The following CLEC16A variants were observed in gnomAD, a reference collection of about 807,000 sequenced individuals.
CLEC16A encodes protein CLEC16A.
CLEC16A carries 51 observed loss-of-function variants against 109.5 expected under a neutral mutation model. That is an observed-to-expected ratio of 0.47 (90% CI 0.37 to 0.59). The LOEUF (loss-of-function observed/expected upper bound fraction) is 0.59, where lower values mean the gene tolerates loss of function less well. Ranked by LOEUF, CLEC16A falls within the 20% of genes least tolerant of loss-of-function variation. The pLI, the probability that CLEC16A is intolerant of heterozygous loss-of-function variation, is 0.00. For synonymous variants in CLEC16A, 673 were observed against 564.2 expected (o/e 1.19, Z -2.73); for missense variants, 1,339 against 1,394.0 (o/e 0.96, Z 0.63).
At position 10,944,811 on chromosome 16, in the gene CLEC16A, G is replaced by A. The variant is rs1323403793; in HGVS notation, c.80+14G>A. 2 of 1,596,656 alleles carry A rather than the reference G, an allele frequency of 1.3e-6. No individual in the cohort carries two copies. Among genetic ancestry groups the A allele is most frequent in the Non-Finnish European group, 1.7e-6 (2 of 1,170,898 alleles). Reference sequence around the variant, plus strand: ...GGACCACCTCAAGTGAGTGTGGGGGGCGTAGCGGGAGGCCTCGGGGCTGGA... The same window carrying A: ...GGACCACCTCAAGTGAGTGTGGGGGACGTAGCGGGAGGCCTCGGGGCTGGA... On this transcript the variant is annotated intron_variant, in intron 1 of 23. Transcript: ENST00000409790.
intron 19 of CLEC16A, among the ~76,000 whole-genome samples, chr16:11,091,434 C>T (rs1157173233): frequency 6.6e-6 from 1 of 152,194 alleles, no homozygotes; most frequent in East Asian, 1.9e-4. Context: ...GGCTGTGATT[C>T]ACCTCGTAGG....
At chr16:10,993,495 G>A (rs2044155857) in intron 10 of CLEC16A, among the ~76,000 whole-genome samples, 2 of 152,206 alleles carry the variant, frequency 1.3e-5, no homozygotes, top group Non-Finnish European at 2.9e-5. Context: ...AGGAAGCCAA[G>A]GTTCCGTGAT....
At chr16:11,051,382 C>T in intron 17 of CLEC16A, 131 bp from the exon 18 acceptor site, 1 of 950,524 alleles carries the variant, frequency 1.1e-6, no homozygotes, top group Non-Finnish European at 1.6e-6. Context: ...CAATCTAAAT[C>T]CAGGATTTAG....
At chr16:11,021,058 C>G (rs1054494120) in intron 12 of CLEC16A, among the ~76,000 whole-genome samples, 7 of 152,220 alleles carry the variant, frequency 4.6e-5, no homozygotes, top group Non-Finnish European at 8.8e-5. Context: ...ATGCACCACA[C>G]CAGGATTTCT....
At chr16:11,133,849 G>T (rs1782979263) in intron 22 of CLEC16A, among the ~76,000 whole-genome samples, 1 of 152,150 alleles carries the variant, frequency 6.6e-6, no homozygotes, top group South Asian at 2.1e-4. Context: ...CTCCAGCCCG[G>T]TCTTAACCCT....
intron 22 of CLEC16A, among the ~76,000 whole-genome samples, chr16:11,140,135 T>G (rs1207262600): frequency 6.6e-6 from 1 of 152,208 alleles, no homozygotes; most frequent in Non-Finnish European, 1.5e-5. Flanking sequence ...GCTAAGTTGA[T>G]TTGAAGGCTC....
At chr16:11,147,074 G>A (rs757555475) in intron 22 of CLEC16A, among the ~76,000 whole-genome samples, 5 of 152,152 alleles carry the variant, frequency 3.3e-5, no homozygotes, top group African/African-American at 4.8e-5. Context: ...GAAGAGCGCC[G>A]AGAACCTTGT....
At position 11,005,965 on chromosome 16, in the gene CLEC16A, CTT is replaced by C. The variant is rs35514934; in HGVS notation, c.1303+2672_1303+2673del. Among the ~76,000 whole-genome samples the C allele has an allele frequency of 1.2e-3, 183 of 147,868 alleles. 1 individual carries two copies. The highest frequency in any genetic ancestry group is 3.0e-3 in the African/African-American group (121 of 40,238). Reference sequence around the variant, plus strand: ...ATAGAAAATATAATTCACATGATGACTTTTTTTTTTTTTAAGTGAAGATACGT... The same window carrying C: ...ATAGAAAATATAATTCACATGATGACTTTTTTTTTTTAAGTGAAGATACGT... On this transcript the variant is annotated intron_variant, in intron 11 of 23. Coordinates refer to ENST00000409790, the MANE Select transcript of CLEC16A (RefSeq NM_015226.3).
At chr16:11,095,568 T>C (rs183124656) in intron 19 of CLEC16A, among the ~76,000 whole-genome samples, 78 of 152,220 alleles carry the variant, frequency 5.1e-4, no homozygotes, top group African/African-American at 1.8e-3. Flanking sequence ...TCCCAACACT[T>C]TGGGAGGCCG....
intron 16 of CLEC16A, 47 bp from the exon 17 acceptor site, chr16:11,047,244 GA>G (rs756919041): frequency 2.0e-6 from 3 of 1,531,772 alleles, no homozygotes; most frequent in Admixed American, 1.9e-5. Flanking sequence ...GTTGTTTATG[GA>G]AAAAAATATG....
intron 19 of CLEC16A, among the ~76,000 whole-genome samples, chr16:11,061,692 C>A (rs538380098): frequency 6.6e-6 from 1 of 152,160 alleles, no homozygotes; most frequent in Non-Finnish European, 1.5e-5. Context: ...TGTTTCTTAA[C>A]GGCATTGTGG....
chr16:11,163,070 G>A (rs1007041201), intron 22 of CLEC16A, among the ~76,000 whole-genome samples: 19 of 152,128 alleles, frequency 1.2e-4, no homozygotes, highest in African/African-American at 3.6e-4. Flanking sequence ...CACCTACTTC[G>A]CAGCCCAAGT....
intron 6 of CLEC16A, 138 bp downstream of exon 6, chr16:10,972,697 G>A: frequency 6.9e-6 from 6 of 871,660 alleles, no homozygotes; most frequent in Non-Finnish European, 1.8e-6. Flanking sequence ...CACCATTAAT[G>A]TTTAGCCCAA....
intron 22 of CLEC16A, among the ~76,000 whole-genome samples, chr16:11,133,208 G>A (rs1440636044): frequency 4.6e-5 from 7 of 151,996 alleles, no homozygotes; most frequent in Admixed American, 1.3e-4. Flanking sequence ...GTGTGGTGGC[G>A]GGCACCTGTA....
At chr16:11,044,169 A>G (rs76636426) in intron 16 of CLEC16A, 97 bp downstream of exon 16, 1 of 1,066,876 alleles carries the variant, frequency 9.4e-7, no homozygotes, top group Admixed American at 2.7e-5. Context: ...ATATGTCTTC[A>G]GTTATTTTTT....
intron 17 of CLEC16A, among the ~76,000 whole-genome samples, chr16:11,049,545 A>G (rs2047824852): frequency 6.6e-6 from 1 of 152,108 alleles, no homozygotes; most frequent in African/African-American, 2.4e-5. Context: ...AATGCCTGGC[A>G]TTCCAGAGAA....
At chr16:11,046,476 G>A (rs990147960) in intron 16 of CLEC16A, among the ~76,000 whole-genome samples, 1 of 152,112 alleles carries the variant, frequency 6.6e-6, no homozygotes, top group African/African-American at 2.4e-5. Context: ...TGTGGGGTGT[G>A]TGTGTGTGTG....
chr16:11,139,742 C>T (rs1016555268), intron 22 of CLEC16A, among the ~76,000 whole-genome samples: 12 of 152,320 alleles, frequency 7.9e-5, no homozygotes, highest in Non-Finnish European at 1.8e-4. Context: ...ACTGTATGAA[C>T]TGCAAAGTTT....
intron 22 of CLEC16A, among the ~76,000 whole-genome samples, chr16:11,164,721 CTG>C (rs953963852): frequency 1.3e-5 from 2 of 152,276 alleles, no homozygotes; most frequent in Non-Finnish European, 2.9e-5. Context: ...GCCATAGTCT[CTG>C]TAAACAAAGG....
Sources: allele counts gnomAD v4.1 joint callset (sites outside exome capture counted in the v4.1 genomes callset), GRCh38; gene constraint gnomAD v4.1.1; transcripts MANE v1.5; gene names NCBI Gene and HGNC (gene_info 2026-07-23, HGNC 2026-07-21).